TSHZ2: variants seen among roughly 807,000 people sequenced by gnomAD.
The protein encoded by TSHZ2 is teashirt homolog 2.
Under a neutral mutation model 74.4 loss-of-function variants are expected in TSHZ2, and 21 were observed. That is an observed-to-expected ratio of 0.28 (90% CI 0.20 to 0.41). The LOEUF is 0.41. TSHZ2 is among the 10% of genes least tolerant of loss of function. TSHZ2 has a pLI of 1.00. For synonymous variants in TSHZ2, 540 were observed against 515.3 expected (o/e 1.05, Z -0.65); for missense variants, 1,244 against 1,293.5 (o/e 0.96, Z 0.59).
chr20:53,173,953 A>G (rs145469653), intron 1 of TSHZ2, among the ~76,000 whole-genome samples: 1 of 152,310 alleles, frequency 6.6e-6, no homozygotes, highest in Non-Finnish European at 1.5e-5. Flanking sequence ...AATTTTAGAT[A>G]GAACTTCAAA....
intron 2 of TSHZ2, among the ~76,000 whole-genome samples, chr20:53,263,543 G>A (rs1470795986): frequency 6.6e-6 from 1 of 152,210 alleles, no homozygotes; most frequent in Non-Finnish European, 1.5e-5. Context: ...CAGTGTTCTA[G>A]TCGAGAGGGT....
chr20:53,131,840 A>G (rs1406288646), intron 1 of TSHZ2, among the ~76,000 whole-genome samples: 2 of 141,968 alleles, frequency 1.4e-5, no homozygotes, highest in African/African-American at 2.5e-5. Context: ...CCCCCAAAAA[A>G]AAAAAGCCAC....
intron 2 of TSHZ2, among the ~76,000 whole-genome samples, chr20:53,281,639 G>T (rs1396699858): frequency 1.3e-5 from 2 of 152,178 alleles, no homozygotes; most frequent in Non-Finnish European, 2.9e-5. Flanking sequence ...GGTCCTAGAA[G>T]CAGATCCTGA....
intron 1 of TSHZ2, among the ~76,000 whole-genome samples, chr20:53,245,746 T>C (rs753919756): frequency 6.6e-6 from 1 of 152,218 alleles, no homozygotes; most frequent in Non-Finnish European, 1.5e-5. Flanking sequence ...GGGTTTACAA[T>C]ACACTTCCTC....
intron 2 of TSHZ2, among the ~76,000 whole-genome samples, chr20:53,389,183 T>A (rs184189579): frequency 2.6e-5 from 4 of 152,350 alleles, no homozygotes; most frequent in African/African-American, 9.6e-5. Flanking sequence ...CCTCCTAGTG[T>A]TCCTTTCTTC....
intron 2 of TSHZ2, among the ~76,000 whole-genome samples, chr20:53,263,902 C>G (rs950206128): frequency 6.6e-6 from 1 of 152,176 alleles, no homozygotes; most frequent in East Asian, 1.9e-4. Flanking sequence ...AGGCTGGGCT[C>G]CCCTGGAGAG....
chr20:53,394,867 A>T (rs1982391199), intron 2 of TSHZ2, among the ~76,000 whole-genome samples: 1 of 147,066 alleles, frequency 6.8e-6, no homozygotes, highest in East Asian at 1.9e-4. Flanking sequence ...ACCAAAAAAA[A>T]AAAAAAAAAA....
At chr20:53,312,574 T>G (rs1270271284) in intron 2 of TSHZ2, among the ~76,000 whole-genome samples, 1 of 152,178 alleles carries the variant, frequency 6.6e-6, no homozygotes, top group Non-Finnish European at 1.5e-5. Context: ...CACCAGTCGC[T>G]CTATCTCTCT....
intron 1 of TSHZ2, among the ~76,000 whole-genome samples, chr20:53,133,441 C>T (rs1405807983): frequency 6.6e-6 from 1 of 152,192 alleles, no homozygotes; most frequent in African/African-American, 2.4e-5. Context: ...CTTTGGTAGG[C>T]ATCATCTTAC....
chr20:53,245,065 G>A (rs1039929156), intron 1 of TSHZ2, among the ~76,000 whole-genome samples: 21 of 152,316 alleles, frequency 1.4e-4, no homozygotes, highest in African/African-American at 5.0e-4. Flanking sequence ...AAGATCAGAT[G>A]TACAGTGGTT....
chr20:53,441,708 AGTAGCTG>A (rs1412073096), intron 2 of TSHZ2, among the ~76,000 whole-genome samples: 6 of 150,732 alleles, frequency 4.0e-5, no homozygotes, highest in Non-Finnish European at 5.9e-5. Flanking sequence ...TCAGCCTCCG[AGTAGCTG>A]GGATTACAGG....
chr20:53,129,561 G>A (rs1483839861), intron 1 of TSHZ2, among the ~76,000 whole-genome samples: 1 of 152,062 alleles, frequency 6.6e-6, no homozygotes, highest in East Asian at 1.9e-4. Flanking sequence ...GATACTGTTG[G>A]ATAATATTGT....
Position 53,048,618 on chromosome 20 carries a change from G to A in TSHZ2, c.40+75285G>A, listed in dbSNP as rs535319568. ...CGTGGGCAGCAGGAAAGTTTCCGGC[G>A]GATGACCTCAGACCCTCTCCATAGA... is the stretch of plus-strand genomic sequence containing the variant. On this transcript the variant is annotated intron_variant, in intron 1 of 2. Coordinates refer to ENST00000371497, the MANE Select transcript of TSHZ2 (RefSeq NM_173485.6). Among the ~76,000 whole-genome samples the A allele has an allele frequency of 4.9e-4, 74 of 152,290 alleles. No individual in the cohort carries two copies. The South Asian group carries it at 0.015, about 30-fold the overall frequency.
At chr20:53,006,003 T>A (rs1982630412) in intron 1 of TSHZ2, among the ~76,000 whole-genome samples, 1 of 152,212 alleles carries the variant, frequency 6.6e-6, no homozygotes, top group African/African-American at 2.4e-5. Context: ...GATCCTTCAT[T>A]CTTTTCTTTT....
intron 1 of TSHZ2, among the ~76,000 whole-genome samples, chr20:53,220,308 A>ACATACACACGTT (rs1221056604): frequency 3.9e-5 from 6 of 152,358 alleles, no homozygotes; most frequent in African/African-American, 1.2e-4. Flanking sequence ...TAAGTCACAT[A>ACATACACACGTT]CATACACACG....
At chr20:53,094,580 T>C (rs541246467) in intron 1 of TSHZ2, among the ~76,000 whole-genome samples, 1 of 152,344 alleles carries the variant, frequency 6.6e-6, no homozygotes, top group South Asian at 2.1e-4. Flanking sequence ...AATGGTAAAC[T>C]CATGGGCCTT....
chr20:52,973,368 T>G, intron 1 of TSHZ2, 35 bp downstream of exon 1: 1 of 1,549,046 alleles, frequency 6.5e-7, no homozygotes, highest in East Asian at 2.5e-5. Context: ...GGCTGCCCTG[T>G]GCGCCGAGCT....
intron 2 of TSHZ2, among the ~76,000 whole-genome samples, chr20:53,283,330 G>A (rs183981702): frequency 6.6e-6 from 1 of 152,312 alleles, no homozygotes. Context: ...GTTATTGAAT[G>A]CTTACTATGT....
At chr20:53,110,278 C>T (rs1263270086) in intron 1 of TSHZ2, among the ~76,000 whole-genome samples, 4 of 151,976 alleles carry the variant, frequency 2.6e-5, no homozygotes, top group African/African-American at 9.7e-5. Flanking sequence ...CAAGGACAGC[C>T]AAATTTTTAT....
Sources: gnomAD v4.1 joint callset for allele counts (sites outside exome capture counted in the v4.1 genomes callset) on GRCh38, gnomAD v4.1.1 for gene constraint, MANE v1.5 for transcripts, NCBI Gene and HGNC (gene_info 2026-07-23, HGNC 2026-07-21) for gene names.